The following VPS36 variants were observed in gnomAD, a reference collection of about 807,000 sequenced individuals.
VPS36 encodes the protein vacuolar protein sorting 36 homolog.
In VPS36, 31 loss-of-function variants were observed where a neutral mutation model predicts 63.5. The ratio of observed to expected loss-of-function variants is 0.49; its 90% CI spans 0.37 to 0.66. VPS36 has a LOEUF of 0.66. Among genes scored for constraint, VPS36 ranks in the 30% least tolerant of loss-of-function variants. VPS36 has a pLI of 0.00. For synonymous variants in VPS36, 138 were observed against 157.2 expected (o/e 0.88, Z 0.91); for missense variants, 338 against 463.7 (o/e 0.73, Z 2.49).
rs763216059 is a variant in VPS36, at chr13:52,442,415, TAAG to T, written c.124_126del (p.Leu42del). The T allele has an allele frequency of 2.5e-5, 40 of 1,612,452 alleles. No individual in the cohort carries two copies. Among genetic ancestry groups the T allele is most frequent in the Non-Finnish European group, 2.7e-5 (32 of 1,179,598 alleles). On this transcript the variant is annotated inframe_deletion, in exon 2 of 14. Transcript: ENST00000378060. ...TCTCTCCAAATCAGTCGGTGTGTAC[TAAG>T]AAGGAGAGTCCCAGCATCAAATTTT...
chr13:52,418,160 A>G (rs930777199), intron 10 of VPS36, 104 bp from the exon 11 acceptor site: 2 of 1,043,352 alleles, frequency 1.9e-6, no homozygotes, highest in Non-Finnish European at 2.7e-6. Flanking sequence ...TAGGTGATTT[A>G]ATCACTACAA....
chr13:52,442,174 A>G (rs1044174118), intron 2 of VPS36, among the ~76,000 whole-genome samples: 11 of 152,222 alleles, frequency 7.2e-5, no homozygotes, highest in African/African-American at 2.7e-4. Context: ...TTAGAAATGA[A>G]AAAAGAAGAA....
chr13:52,436,651 G>C (rs1238831800), intron 3 of VPS36, among the ~76,000 whole-genome samples: 1 of 151,850 alleles, frequency 6.6e-6, no homozygotes. Flanking sequence ...GTAGATTAGA[G>C]TGTGACTTTA....
chr13:52,426,477 C>T (rs780995238), intron 8 of VPS36, among the ~76,000 whole-genome samples: 6 of 152,170 alleles, frequency 3.9e-5, no homozygotes, highest in Non-Finnish European at 8.8e-5. Context: ...GTTTTCTACA[C>T]TCCAAAAAAA....
chr13:52,433,612 A>G (rs1362417841), intron 6 of VPS36, 50 bp downstream of exon 6: 1 of 1,407,594 alleles, frequency 7.1e-7, no homozygotes, highest in Non-Finnish European at 1.0e-6. Flanking sequence ...TATCTAAAAG[A>G]ATAGACACAA....
chr13:52,435,840 C>T (rs1244114761), intron 4 of VPS36: 1 of 152,636 alleles, frequency 6.6e-6, no homozygotes, highest in African/African-American at 2.4e-5. Context: ...TCAGAACATA[C>T]AAACTATTAT....
chr13:52,416,283 T>C, intron 12 of VPS36, 190 bp from the exon 13 acceptor site: 1 of 600,242 alleles, frequency 1.7e-6, no homozygotes, highest in East Asian at 2.9e-5. Flanking sequence ...CCTACAAAAG[T>C]TGAAGTACCC....
At chr13:52,418,506 C>T (rs554149758) in intron 10 of VPS36, among the ~76,000 whole-genome samples, 2 of 130,670 alleles carry the variant, frequency 1.5e-5, no homozygotes, top group South Asian at 2.6e-4. Context: ...ACCCAGGAGG[C>T]GGAGTTTGCA....
intron 10 of VPS36, among the ~76,000 whole-genome samples, 156 bp from the exon 11 acceptor site, chr13:52,418,212 T>A (rs1594111555): frequency 6.6e-6 from 1 of 152,006 alleles, no homozygotes; most frequent in African/African-American, 2.4e-5. Flanking sequence ...TTCTATTCCT[T>A]AAAGCAGTGG....
At chr13:52,438,338 G>A (rs578234291) in intron 3 of VPS36, among the ~76,000 whole-genome samples, 40 of 152,152 alleles carry the variant, frequency 2.6e-4, no homozygotes, top group East Asian at 1.4e-3. Flanking sequence ...TTTTTAAAAC[G>A]TTGGTTAGTT....
At chr13:52,418,247 A>G (rs1958011426) in intron 10 of VPS36, among the ~76,000 whole-genome samples, 191 bp from the exon 11 acceptor site, 1 of 151,716 alleles carries the variant, frequency 6.6e-6, no homozygotes, top group South Asian at 2.1e-4. Flanking sequence ...TGCATGCCAC[A>G]TATGTCACTG....
At chr13:52,427,682 C>T (rs547612867) in intron 6 of VPS36, among the ~76,000 whole-genome samples, 1 of 151,914 alleles carries the variant, frequency 6.6e-6, no homozygotes, top group African/African-American at 2.4e-5. Flanking sequence ...AATAAATCTA[C>T]CTTATTCTAA....
rs149779680 is a variant in VPS36 at position 52,424,537 on chromosome 13, C to T, written c.775-898G>A. ...AGAAAAGCACACCCTATAGTCTAAA[C>T]AACTAATTTCTTCAGGAAACACACG... On this transcript the variant is annotated intron_variant, in intron 9 of 13. Transcript: ENST00000378060. Among the ~76,000 whole-genome samples, 530 of 152,172 alleles carry T rather than the reference C, an allele frequency of 3.5e-3. 2 individuals carry two copies. Among genetic ancestry groups the T allele is most frequent in the African/African-American group, 0.011 (476 of 41,506 alleles).
At chr13:52,419,003 T>A (rs1958020458) in intron 10 of VPS36, among the ~76,000 whole-genome samples, 1 of 152,236 alleles carries the variant, frequency 6.6e-6, no homozygotes, top group Non-Finnish European at 1.5e-5. Context: ...AATTTCCTAT[T>A]CTTCAAATTA....
At chr13:52,441,532 C>CACG (rs1165774993) in intron 2 of VPS36, among the ~76,000 whole-genome samples, 1 of 152,140 alleles carries the variant, frequency 6.6e-6, no homozygotes, top group African/African-American at 2.4e-5. Flanking sequence ...GTGGGCAGAT[C>CACG]ACGAGGTCAG....
chr13:52,421,815 T>C (rs1448334955), intron 10 of VPS36, among the ~76,000 whole-genome samples: 12 of 152,082 alleles, frequency 7.9e-5, no homozygotes, highest in African/African-American at 2.7e-4. Flanking sequence ...TGAGCTACCG[T>C]GCCCAGCCCT....
In VPS36 at chr13:52,443,216, GA is replaced by G. The variant is rs777257360; in HGVS notation, c.97-772del. On this transcript the variant is annotated intron_variant, in intron 1 of 13. Coordinates refer to ENST00000378060, the MANE Select transcript of VPS36 (RefSeq NM_016075.4). ...AACGAAAAAAATTATAAAAGCACTC[GA>G]AAAAAATCATGAGATAATTTTTAAA... Among the ~76,000 whole-genome samples the G allele has an allele frequency of 2.6e-5, 4 of 151,872 alleles. No individual in the cohort carries two copies. The East Asian group carries it at 5.8e-4, about 22-fold the overall frequency.
intron 1 of VPS36, chr13:52,450,048 G>A (rs1958385396): frequency 3.0e-6 from 3 of 987,372 alleles, no homozygotes; most frequent in Non-Finnish European, 1.2e-6. Flanking sequence ...TACGGCCACC[G>A]CGCCCTCCTC....
intron 1 of VPS36, chr13:52,450,242 C>T (rs1466279312): frequency 2.7e-6 from 3 of 1,103,038 alleles, no homozygotes; most frequent in Non-Finnish European, 3.3e-6. Context: ...GGGAAGCGGC[C>T]GCGATCCGCG....
Sources: allele counts gnomAD v4.1 joint callset (sites outside exome capture counted in the v4.1 genomes callset), GRCh38; gene constraint gnomAD v4.1.1; transcripts MANE v1.5; gene names NCBI Gene and HGNC (gene_info 2026-07-23, HGNC 2026-07-21).